The following COL16A1 variants were observed in gnomAD, a reference collection of about 807,000 sequenced individuals.
COL16A1 encodes the protein collagen alpha-1(XVI) chain.
Under a neutral mutation model 266.3 loss-of-function variants are expected in COL16A1, and 189 were observed. That is an observed-to-expected ratio of 0.71 (90% CI 0.63 to 0.80). The LOEUF is 0.80. COL16A1 is among the 30% of genes least tolerant of loss of function. The pLI, the probability that COL16A1 is intolerant of heterozygous loss-of-function variation, is 0.00. For synonymous variants in COL16A1, 740 were observed against 782.3 expected (o/e 0.95, Z 0.90); for missense variants, 1,928 against 2,122.4 (o/e 0.91, Z 1.80).
At position 31,695,772 on chromosome 1, in the gene COL16A1, C is replaced by T; in HGVS notation, c.934G>A (p.Ala312Thr). The T allele has an allele frequency of 7.4e-6, 12 of 1,613,322 alleles. No individual in the cohort carries two copies. Among genetic ancestry groups the T allele is most frequent in the Non-Finnish European group, 1.0e-5 (12 of 1,179,738 alleles). Residue 312 changes from alanine (A) to threonine (T), a missense_variant, in exon 10 of 71, where the codon GCA becomes ACA. Around this residue, in one of 2 missense-constraint regions of COL16A1, gnomAD observed 1,552 missense variants for 1,637.2 expected, o/e 0.95. Transcript: ENST00000373672. ...ERGAKVHQET[A>T]ADECPPCVHG... ...ACTGGGAGGCTTACCTCATCGGCTG[C>T]TGTCTCCTGATGGACCTGAGGAAAG...
chr1:31,661,527 C>T, intron 59 of COL16A1, 69 bp from the exon 60 acceptor site: 1 of 1,613,560 alleles, frequency 6.2e-7, no homozygotes, highest in Non-Finnish European at 8.5e-7. Context: ...CTCCTCCTTC[C>T]TCAGTTCAAA....
At chr1:31,679,282 T>C in intron 42 of COL16A1, 3 of 951,460 alleles carry the variant, frequency 3.2e-6, no homozygotes, top group Non-Finnish European at 4.5e-6. Flanking sequence ...TGCCAGAAAA[T>C]AGCAAATGTG....
At chr1:31,665,803 G>C (rs1050700279) in intron 54 of COL16A1, 79 bp downstream of exon 54, 1 of 1,607,608 alleles carries the variant, frequency 6.2e-7, no homozygotes, top group South Asian at 1.1e-5. Flanking sequence ...CAGGTAGGGT[G>C]GGGAGACTAG....
Position 31,697,165 on chromosome 1 carries a change from A to C in COL16A1, c.738+55T>G, listed in dbSNP as rs1300293362. ...AAGACCTCCAGGCATCACCTTCCAG[A>C]CCCTCATCTCCAGCACAGTGTGTCC... On this transcript the variant is annotated intron_variant, in intron 7 of 70. Coordinates refer to ENST00000373672, the MANE Select transcript of COL16A1 (RefSeq NM_001856.4). This position sits in a 1 kb window ranked among gnomAD's most constrained non-coding sequence, Gnocchi z 4.2. 6.2e-7 allele frequency: 1 copy of C among 1,611,944 alleles called. No homozygotes were observed. Among genetic ancestry groups the C allele is most frequent in the Non-Finnish European group, 8.5e-7 (1 of 1,178,878 alleles).
intron 22 of COL16A1, 122 bp from the exon 23 acceptor site, chr1:31,689,973 A>G (rs1644183114): frequency 1.3e-6 from 1 of 777,746 alleles, no homozygotes; most frequent in Non-Finnish European, 2.1e-6. Context: ...CCCAACATCA[A>G]AGTGGACAGC....
At chr1:31,696,198 C>T in intron 8 of COL16A1, 57 bp from the exon 9 acceptor site, 1 of 1,543,496 alleles carries the variant, frequency 6.5e-7, no homozygotes, top group Non-Finnish European at 8.9e-7. Flanking sequence ...GGGGTCCAGG[C>T]TGGAAAGGGG....
chr1:31,665,670 T>C (rs1557624424), intron 54 of COL16A1, 52 bp from the exon 55 acceptor site: 1 of 1,604,282 alleles, frequency 6.2e-7, no homozygotes, highest in East Asian at 2.2e-5. Flanking sequence ...CTCTCCTGCC[T>C]GGCTGCCCAG....
rs993480073 is a variant in COL16A1, at chr1:31,698,272, C to A, written c.391-100G>T. Reference sequence around the variant, plus strand: ...TTGAACTCATTTCACAGGAGGGGAACTGAGGCCCAGAAAGAGAAGAAAGCC... The same window carrying A: ...TTGAACTCATTTCACAGGAGGGGAAATGAGGCCCAGAAAGAGAAGAAAGCC... On this transcript the variant is annotated intron_variant, in intron 5 of 70. Coordinates refer to ENST00000373672, the MANE Select transcript of COL16A1 (RefSeq NM_001856.4). The surrounding 1 kb of genome is among the most constrained non-coding windows in gnomAD (Gnocchi z 4.1). 5 of 1,553,380 alleles carry A rather than the reference C, an allele frequency of 3.2e-6. No homozygotes were observed. The East Asian group carries it at 1.1e-4, about 35-fold the overall frequency.
chr1:31,697,974 G>A lies in COL16A1; in HGVS notation c.589C>T (p.Arg197Ter). Reference sequence around the variant, plus strand: ...TGGCCCACAGGCCTCATGGGTCGTCGGGGCCCCAGAGGCTGGGAGGAGGCT... The same window carrying A: ...TGGCCCACAGGCCTCATGGGTCGTCAGGGCCCCAGAGGCTGGGAGGAGGCT... ...SSASSQPLGP[R>*]RPMRPVGHVF... is the part of the protein sequence containing the mutation. The change falls in exon 6 of 71, where the codon CGA becomes TGA. Residue 197 changes from arginine to a stop codon, truncating the protein, a stop_gained. Transcript: ENST00000373672. LOFTEE classifies it high-confidence loss of function. This position sits in a 1 kb window ranked among gnomAD's most constrained non-coding sequence, Gnocchi z 4.2. 1.9e-6 allele frequency: 3 copies of A among 1,613,426 alleles called. No homozygotes were observed. The highest frequency in any genetic ancestry group is 1.7e-5 in the Admixed American group (1 of 59,992).
rs969224145 is a variant in COL16A1 at position 31,655,818 on chromosome 1, C to G, written c.4102-316G>C. On this transcript the variant is annotated intron_variant, in intron 66 of 70. Transcript: ENST00000373672. ...TTCCTCAGCCTCCTCTCCCCACCCT[C>G]TGCCTCCCACCAGACCTCACTGGTG... The G allele has an allele frequency of 7.6e-6, 3 of 394,242 alleles. No homozygotes were observed. The Admixed American group carries it at 1.3e-4, about 17-fold the overall frequency. 24.4% of individuals were successfully genotyped at this position (394,242 alleles called of 1,614,324 possible). A position where few individuals can be genotyped will look rare whatever the true frequency, so the allele number is the denominator to read the frequency against.
intron 66 of COL16A1, 133 bp from the exon 67 acceptor site, chr1:31,655,635 C>T (rs1641071055): frequency 1.5e-5 from 22 of 1,447,038 alleles, no homozygotes; most frequent in Non-Finnish European, 1.9e-5. Context: ...TGACAGGTCA[C>T]TCCACCTCAC....
At chr1:31,691,330 C>A in intron 19 of COL16A1, 87 bp downstream of exon 19, 3 of 1,584,048 alleles carry the variant, frequency 1.9e-6, no homozygotes, top group South Asian at 2.3e-5. Flanking sequence ...TGGGACAGAG[C>A]CTTATCTTCC....
chr1:31,661,461 GA>G lies in COL16A1; in HGVS notation c.3727-4del. ...TGTCCTGTTTTCCCCTTAAAGCCCT[GA>G]AAGAAAAAGCAGGGAGTTCTCATGT... On this transcript the variant is annotated splice_region_variant and splice_polypyrimidine_tract_variant and intron_variant, in intron 59 of 70. Transcript: ENST00000373672. 6.2e-7 allele frequency: 1 copy of G among 1,614,138 alleles called. No individual in the cohort carries two copies. Among genetic ancestry groups the G allele is most frequent in the Non-Finnish European group, 8.5e-7 (1 of 1,180,012 alleles).
At chr1:31,693,663 C>A (rs112210241) in intron 12 of COL16A1, among the ~76,000 whole-genome samples, 3,908 of 152,290 alleles carry the variant, frequency 0.026, 174 homozygotes, top group African/African-American at 0.089. Flanking sequence ...CTTCGCTCCC[C>A]ATCACTCACA....
Position 31,685,968 on chromosome 1 carries a change from C to T in COL16A1, c.1884+123G>A. ...AGTCATCAGGGGTCTCCATGCCTTG[C>T]TAAGGAGTCAGACTCTGCCCGACAG... On this transcript the variant is annotated intron_variant, in intron 28 of 70. Transcript: ENST00000373672. This position sits in a 1 kb window ranked among gnomAD's most constrained non-coding sequence, Gnocchi z 4.0. 1 of 1,505,198 alleles carries T rather than the reference C, an allele frequency of 6.6e-7. No homozygotes were observed. The highest frequency in any genetic ancestry group is 1.3e-5 in the South Asian group (1 of 78,492). The allele number at this position is 1,505,198 out of a possible 1,614,324, so 93.2% of individuals were successfully genotyped here. A position where few individuals can be genotyped will look rare whatever the true frequency, so the allele number is the denominator to read the frequency against.
intron 44 of COL16A1, 169 bp from the exon 45 acceptor site, chr1:31,673,009 C>T (rs1442888362): frequency 1.4e-6 from 1 of 704,014 alleles, no homozygotes; most frequent in Non-Finnish European, 2.5e-6. Flanking sequence ...TTTGCTCCAT[C>T]CTCGGGGGAC....
chr1:31,679,889 T>C, intron 40 of COL16A1, 38 bp from the exon 41 acceptor site: 1 of 1,506,702 alleles, frequency 6.6e-7, no homozygotes, highest in Non-Finnish European at 8.9e-7. Flanking sequence ...AGGGGAGAGG[T>C]TATAGGCAAC....
At chr1:31,654,529 T>C (rs2148642941) in intron 68 of COL16A1, among the ~76,000 whole-genome samples, 1 of 152,328 alleles carries the variant, frequency 6.6e-6, no homozygotes. Context: ...ACTCGTTTAA[T>C]ACCAATTTTC....
intron 34 of COL16A1, 68 bp from the exon 35 acceptor site, chr1:31,683,437 A>G: frequency 1.2e-6 from 2 of 1,611,168 alleles, no homozygotes; most frequent in Non-Finnish European, 1.7e-6. Context: ...GCCCTGCCGC[A>G]CCGGCAGACC....
Sources: gnomAD v4.1 joint callset for allele counts (sites outside exome capture counted in the v4.1 genomes callset) on GRCh38, gnomAD v4.1.1 for gene constraint, gnomAD v4.1.1 regional missense constraint, Gnocchi (gnomAD v3.1) non-coding constraint, MANE v1.5 for transcripts, NCBI Gene and HGNC (gene_info 2026-07-23, HGNC 2026-07-21) for gene names.